Variants in OXCT1 observed in about 807,000 individuals in gnomAD.
OXCT1 encodes succinyl-CoA:3-ketoacid coenzyme A transferase 1, mitochondrial.
OXCT1 carries 27 observed loss-of-function variants against 69.6 expected under a neutral mutation model. The ratio of observed to expected loss-of-function variants is 0.39; its 90% CI spans 0.29 to 0.54. The LOEUF (loss-of-function observed/expected upper bound fraction) is 0.54. Among genes scored for constraint, OXCT1 ranks in the 20% least tolerant of loss-of-function variants. OXCT1 has a pLI of 0.72. For missense variants in OXCT1, 437 were observed against 650.2 expected, an observed-to-expected ratio of 0.67 and a Z score of 3.57; for synonymous variants, 202 against 217.8, an observed-to-expected ratio of 0.93 and a Z score of 0.64.
intron 6 of OXCT1, among the ~76,000 whole-genome samples, chr5:41,841,646 A>G (rs1287924706): frequency 6.6e-6 from 1 of 152,206 alleles, no homozygotes; most frequent in Non-Finnish European, 1.5e-5. Flanking sequence ...CAGAATAAAC[A>G]TGGGAATATT....
At chr5:41,736,476 C>T (rs1579624750) in intron 16 of OXCT1, among the ~76,000 whole-genome samples, 1 of 152,254 alleles carries the variant, frequency 6.6e-6, no homozygotes, top group East Asian at 1.9e-4. Flanking sequence ...TGGCTAATAA[C>T]ACTATGATAT....
At chr5:41,771,589 C>T (rs1744872687) in intron 13 of OXCT1, among the ~76,000 whole-genome samples, 1 of 152,132 alleles carries the variant, frequency 6.6e-6, no homozygotes, top group Admixed American at 6.5e-5. Context: ...CATAATACTA[C>T]AGAGATGAAA....
chr5:41,816,053 G>T (rs1201695604), intron 7 of OXCT1, among the ~76,000 whole-genome samples: 1 of 152,140 alleles, frequency 6.6e-6, no homozygotes, highest in African/African-American at 2.4e-5. Flanking sequence ...ACAGTTAATG[G>T]CTGCTAAATC....
intron 14 of OXCT1, among the ~76,000 whole-genome samples, chr5:41,751,361 T>C (rs116690202): frequency 1.2e-4 from 18 of 152,270 alleles, no homozygotes; most frequent in African/African-American, 4.1e-4. Flanking sequence ...TAATGAACAA[T>C]CAACTTCATT....
At chr5:41,786,511 T>C (rs763225127) in intron 13 of OXCT1, among the ~76,000 whole-genome samples, 4 of 152,178 alleles carry the variant, frequency 2.6e-5, no homozygotes, top group African/African-American at 4.8e-5. Flanking sequence ...AGGAGATGCA[T>C]TGCTTTTGAA....
chr5:41,848,785 A>T (rs1749046213), intron 5 of OXCT1, among the ~76,000 whole-genome samples: 1 of 152,118 alleles, frequency 6.6e-6, no homozygotes, highest in African/African-American at 2.4e-5. Context: ...AAATCAATTC[A>T]AGATGGATTA....
At chr5:41,852,924 C>T (rs757599186) in intron 4 of OXCT1, among the ~76,000 whole-genome samples, 117 of 152,116 alleles carry the variant, frequency 7.7e-4, no homozygotes, top group Middle Eastern at 3.4e-3. Context: ...AGTAGCTGGG[C>T]GTGGTGGCAC....
chr5:41,789,365 G>A (rs1209132181), intron 13 of OXCT1, among the ~76,000 whole-genome samples: 1 of 152,158 alleles, frequency 6.6e-6, no homozygotes, highest in East Asian at 1.9e-4. Flanking sequence ...CTCCATAAAT[G>A]CAGAGAATTT....
chr5:41,731,636 G>T lies in OXCT1; in HGVS notation c.*93C>A, dbSNP rs1417292383. Reference sequence around the variant, plus strand: ...CAAGAAAACTAATAAAAAACCACCTGTTAAATACACAATTATGATTATTGA... The same window carrying T: ...CAAGAAAACTAATAAAAAACCACCTTTTAAATACACAATTATGATTATTGA... On this transcript the variant is annotated 3_prime_UTR_variant, in exon 17 of 17. Coordinates refer to ENST00000196371, the MANE Select transcript of OXCT1 (RefSeq NM_000436.4). 1 of 1,517,066 alleles carries T rather than the reference G, an allele frequency of 6.6e-7. No homozygotes were observed. Among genetic ancestry groups the T allele is most frequent in the South Asian group, 1.2e-5 (1 of 82,466 alleles). 94.0% of individuals were successfully genotyped at this position (1,517,066 alleles called of 1,614,324 possible). A position where few individuals can be genotyped will look rare whatever the true frequency, so the allele number is the denominator to read the frequency against.
chr5:41,732,090 G>A (rs1291477184), intron 16 of OXCT1, among the ~76,000 whole-genome samples: 1 of 152,122 alleles, frequency 6.6e-6, no homozygotes, highest in Non-Finnish European at 1.5e-5. Flanking sequence ...ATGGATCACT[G>A]ATCTCCGAGA....
At chr5:41,861,509 ATTAGATC>A (rs1481958315) in intron 2 of OXCT1, 105 bp from the exon 3 acceptor site, 11 of 787,796 alleles carry the variant, frequency 1.4e-5, no homozygotes, top group Non-Finnish European at 2.0e-5. Context: ...AAAGCACATT[ATTAGATC>A]TACTAAGCAA....
chr5:41,842,142 T>G (rs538249279), intron 6 of OXCT1, among the ~76,000 whole-genome samples: 2 of 152,280 alleles, frequency 1.3e-5, no homozygotes, highest in Admixed American at 1.3e-4. Flanking sequence ...TTTTAAAATC[T>G]ATAAAGTCTG....
At position 41,801,090 on chromosome 5, in the gene OXCT1, T is replaced by C. The variant is rs1212896158; in HGVS notation, c.1051-20A>G. The C allele has an allele frequency of 3.2e-6, 5 of 1,576,034 alleles. No individual in the cohort carries two copies. Among genetic ancestry groups the C allele is most frequent in the Non-Finnish European group, 4.4e-6 (5 of 1,145,522 alleles). On this transcript the variant is annotated intron_variant, in intron 10 of 16. Coordinates refer to ENST00000196371, the MANE Select transcript of OXCT1 (RefSeq NM_000436.4). ...TGGACCCTGTCAAATACAACATACA[T>C]TCAATTAGTAAATGAAGATTCTCAC...
At chr5:41,742,467 T>G (rs985673464) in intron 15 of OXCT1, among the ~76,000 whole-genome samples, 3 of 152,164 alleles carry the variant, frequency 2.0e-5, no homozygotes, top group Admixed American at 2.0e-4. Flanking sequence ...GAGGAATGCA[T>G]CTTTCTTTTA....
intron 12 of OXCT1, 76 bp downstream of exon 12, chr5:41,794,601 C>G: frequency 1.5e-6 from 2 of 1,331,134 alleles, no homozygotes; most frequent in Non-Finnish European, 2.1e-6. Context: ...TGTTTCAGAG[C>G]CTTGCTAACA....
intron 13 of OXCT1, among the ~76,000 whole-genome samples, chr5:41,781,543 A>G (rs1267895075): frequency 6.6e-6 from 1 of 151,692 alleles, no homozygotes; most frequent in Non-Finnish European, 1.5e-5. Context: ...TGCCACATAG[A>G]TCATCCCATC....
At chr5:41,812,501 T>C (rs1747032712) in intron 7 of OXCT1, among the ~76,000 whole-genome samples, 1 of 152,034 alleles carries the variant, frequency 6.6e-6, no homozygotes, top group South Asian at 2.1e-4. Context: ...GAGACACGTA[T>C]GACCTAGGAC....
chr5:41,730,094 C>T lies in OXCT1; in HGVS notation c.*1635G>A, dbSNP rs1579612371. ...TCACTTTAGAATATTTATTGTATTC[C>T]TTAATGCATTTCTTAACATGTATAG... On this transcript the variant is annotated 3_prime_UTR_variant, in exon 17 of 17. Coordinates refer to ENST00000196371, the MANE Select transcript of OXCT1 (RefSeq NM_000436.4). The T allele has an allele frequency of 6.6e-6, 1 of 152,130 alleles. No individual in the cohort carries two copies. Among genetic ancestry groups the T allele is most frequent in the Non-Finnish European group, 1.5e-5 (1 of 68,026 alleles). The allele number at this position is 152,130 out of a possible 1,614,324, so 9.4% of individuals were successfully genotyped here. A position where few individuals can be genotyped will look rare whatever the true frequency, so the allele number is the denominator to read the frequency against.
At chr5:41,773,535 T>C (rs987542047) in intron 13 of OXCT1, among the ~76,000 whole-genome samples, 4 of 151,868 alleles carry the variant, frequency 2.6e-5, no homozygotes, top group African/African-American at 9.7e-5. Flanking sequence ...AGGTCAAGGC[T>C]GCACTGAGTC....
Sources: gnomAD v4.1 joint callset for allele counts (sites outside exome capture counted in the v4.1 genomes callset) on GRCh38, gnomAD v4.1.1 for gene constraint, MANE v1.5 for transcripts, NCBI Gene and HGNC (gene_info 2026-07-23, HGNC 2026-07-21) for gene names.